Variants in ZBTB37 observed in about 807,000 individuals in gnomAD.
ZBTB37 encodes zinc finger and BTB domain-containing protein 37.
In ZBTB37, 15 loss-of-function variants were observed where a neutral mutation model predicts 37.7. The observed-to-expected ratio is 0.40, with a 90% CI of 0.27 to 0.61. ZBTB37 has a LOEUF of 0.61. Among genes scored for constraint, ZBTB37 ranks in the 20% least tolerant of loss-of-function variants. The pLI is 0.44. For missense variants in ZBTB37, 514 were observed against 641.9 expected (o/e 0.80, Z 2.15); for synonymous variants, 231 against 220.6 (o/e 1.05, Z -0.42).
intron 4 of ZBTB37, among the ~76,000 whole-genome samples, chr1:173,884,769 G>A (rs1196270602): frequency 1.3e-5 from 2 of 152,118 alleles, no homozygotes; most frequent in Non-Finnish European, 2.9e-5. Flanking sequence ...TATAGTAAAT[G>A]GTAGCCATTA....
intron 3 of ZBTB37, among the ~76,000 whole-genome samples, chr1:173,872,135 C>G (rs1363566665): frequency 6.6e-6 from 1 of 152,162 alleles, no homozygotes; most frequent in Non-Finnish European, 1.5e-5. Flanking sequence ...GTGGTGCGAT[C>G]TCGGCTCACT....
downstream of ZBTB37, chr1:173,887,601 A>G (rs1215456552): frequency 6.6e-6 from 1 of 152,242 alleles, no homozygotes; most frequent in Non-Finnish European, 1.5e-5. Flanking sequence ...CCCGTCTTTC[A>G]TGAAGTGAGA....
At chr1:173,875,182 ATATG>A (rs1458675884) in intron 4 of ZBTB37, among the ~76,000 whole-genome samples, 22 of 150,612 alleles carry the variant, frequency 1.5e-4, no homozygotes, top group African/African-American at 2.4e-4. Flanking sequence ...TGTATATACT[ATATG>A]TAGTATACAC....
At chr1:173,879,252 T>C (rs1422179318) in intron 4 of ZBTB37, among the ~76,000 whole-genome samples, 1 of 152,180 alleles carries the variant, frequency 6.6e-6, no homozygotes, top group East Asian at 1.9e-4. Flanking sequence ...TTAGCATGAA[T>C]CACATCAAGA....
chr1:173,899,751 C>A (rs900199376), exon 4 of ZBTB37: 2 of 152,180 alleles, frequency 1.3e-5, no homozygotes, highest in African/African-American at 4.8e-5. Flanking sequence ...TAACCTCAAT[C>A]CAGTCCTCTT....
chr1:173,880,735 G>C (rs1656248703), intron 4 of ZBTB37, among the ~76,000 whole-genome samples: 1 of 152,170 alleles, frequency 6.6e-6, no homozygotes, highest in African/African-American at 2.4e-5. Flanking sequence ...ACTACAAAAA[G>C]TATATTGCTG....
chr1:173,874,381 G>T (rs1470794708), intron 4 of ZBTB37, among the ~76,000 whole-genome samples: 14 of 144,448 alleles, frequency 9.7e-5, no homozygotes, highest in Non-Finnish European at 1.9e-4. Flanking sequence ...TCACCCTGTC[G>T]CCCAGGCTGG....
chr1:173,888,202 G>A (rs1007882276), downstream of ZBTB37: 1 of 152,148 alleles, frequency 6.6e-6, no homozygotes, highest in African/African-American at 2.4e-5. Flanking sequence ...GACTGGCTGT[G>A]CTCTGTGGCA....
exon 2 of ZBTB37, chr1:173,869,077 T>C (rs747409954): frequency 6.6e-6 from 1 of 152,636 alleles, no homozygotes; most frequent in Non-Finnish European, 1.5e-5. Context: ...GAGGCTCTTA[T>C]TGGATTAAAA....
chr1:173,873,046 T>C (rs1655679444), intron 3 of ZBTB37, among the ~76,000 whole-genome samples: 1 of 151,504 alleles, frequency 6.6e-6, no homozygotes, highest in Non-Finnish European at 1.5e-5. Flanking sequence ...AATGCAAAGA[T>C]TTTTTAATCT....
intron 4 of ZBTB37, among the ~76,000 whole-genome samples, chr1:173,884,039 C>A (rs1656482125): frequency 6.6e-6 from 1 of 151,930 alleles, no homozygotes; most frequent in Non-Finnish European, 1.5e-5. Flanking sequence ...GGTTTTTATT[C>A]CTCTAATATA....
chr1:173,882,903 G>A (rs762434412), intron 4 of ZBTB37, among the ~76,000 whole-genome samples: 1 of 152,266 alleles, frequency 6.6e-6, no homozygotes, highest in South Asian at 2.1e-4. Flanking sequence ...ATATGAATTT[G>A]TAATGTTTAA....
At chr1:173,886,137 G>T (rs1656610632) in exon 5 of ZBTB37, 12 of 1,545,624 alleles carry the variant, frequency 7.8e-6, no homozygotes, top group Non-Finnish European at 1.0e-5. Flanking sequence ...CATCCAGGGG[G>T]AGGGGGCTGA....
At chr1:173,902,298 A>G (rs1657293328) in exon 4 of ZBTB37, 1 of 152,274 alleles carries the variant, frequency 6.6e-6, no homozygotes, top group South Asian at 2.1e-4. Context: ...AAATTTATCT[A>G]ATATTTTTTA....
chr1:173,900,921 T>C (rs1657229735), exon 4 of ZBTB37: 1 of 152,240 alleles, frequency 6.6e-6, no homozygotes, highest in South Asian at 2.1e-4. Context: ...TGTGAAACAT[T>C]GTTGAACTTT....
downstream of ZBTB37, chr1:173,889,194 A>G (rs778754802): frequency 6.6e-6 from 1 of 152,252 alleles, no homozygotes; most frequent in Non-Finnish European, 1.5e-5. Context: ...ATAACTGTCC[A>G]AGACTCTTAC....
downstream of ZBTB37, chr1:173,890,522 T>A: frequency 6.6e-6 from 1 of 152,218 alleles, no homozygotes; most frequent in East Asian, 1.9e-4. Context: ...AACTTAGTCT[T>A]TGGAAATTGA....
At chr1:173,888,503 C>T (rs1037441839), downstream of ZBTB37, 13 of 152,058 alleles carry the variant, frequency 8.5e-5, no homozygotes, top group African/African-American at 2.7e-4. Context: ...TCATAGCTCA[C>T]TGTAATCTTG....
chr1:173,902,735 T>C (rs1657316341), exon 4 of ZBTB37: 1 of 152,150 alleles, frequency 6.6e-6, no homozygotes, highest in Non-Finnish European at 1.5e-5. Flanking sequence ...CTTTAATTCC[T>C]AAGGAGAGTG....
Sources: allele counts gnomAD v4.1 joint callset (sites outside exome capture counted in the v4.1 genomes callset), GRCh38; gene constraint gnomAD v4.1.1; transcripts MANE v1.5; gene names NCBI Gene and HGNC (gene_info 2026-07-23, HGNC 2026-07-21).